ATG10: variants seen among roughly 807,000 people sequenced by gnomAD.
ATG10 encodes the protein ubiquitin-like-conjugating enzyme ATG10.
A neutral mutation model predicts 32.1 loss-of-function variants in ATG10; 30 were observed. The ratio of observed to expected loss-of-function variants is 0.94; its 90% confidence interval spans 0.70 to 1.27. The LOEUF (loss-of-function observed/expected upper bound fraction) is 1.27. ATG10 is among the 50% of genes most tolerant of loss of function. The pLI, the probability that ATG10 is intolerant of heterozygous loss-of-function variation, is 0.00. For synonymous variants in ATG10, 87 were observed against 91.5 expected (o/e 0.95, Z 0.28); for missense variants, 233 against 262.3 (o/e 0.89, Z 0.77).
At chr5:82,164,277 C>T in intron 3 of ATG10, 122 bp from the exon 4 acceptor site, 1 of 977,168 alleles carries the variant, frequency 1.0e-6, no homozygotes. Flanking sequence ...CTTTTCCTTG[C>T]CTCATAGCCT....
chr5:82,034,004 A>C (rs1254471440), intron 2 of ATG10, among the ~76,000 whole-genome samples: 1 of 148,200 alleles, frequency 6.7e-6, no homozygotes. Context: ...ATATATGTAT[A>C]TATGTACTAT....
At chr5:81,973,223 G>C (rs991115806) in intron 1 of ATG10, 1 of 152,146 alleles carries the variant, frequency 6.6e-6, no homozygotes, top group Non-Finnish European at 1.5e-5. Context: ...TCTGCCTCTC[G>C]GGTTAAAGCA....
chr5:82,190,732 C>T (rs1232081574), intron 5 of ATG10, among the ~76,000 whole-genome samples: 2 of 126,066 alleles, frequency 1.6e-5, no homozygotes, highest in Non-Finnish European at 3.1e-5. Flanking sequence ...CGAGATCACA[C>T]CACTGCACTC....
intron 3 of ATG10, among the ~76,000 whole-genome samples, chr5:82,119,754 C>T (rs7728044): frequency 0.23 from 35,520 of 151,988 alleles, 4,275 homozygotes; most frequent in South Asian, 0.31. Context: ...AGCCACCGTG[C>T]CTGGCCTGAA....
At chr5:81,983,464 A>C (rs1402554762) in intron 1 of ATG10, among the ~76,000 whole-genome samples, 60 of 50,180 alleles carry the variant, frequency 1.2e-3, no homozygotes, top group Admixed American at 3.6e-3. Flanking sequence ...CGGGGGTCTG[A>C]CCCCCCCCAC....
chr5:82,058,386 A>G, intron 2 of ATG10, 109 bp from the exon 3 acceptor site: 1 of 754,864 alleles, frequency 1.3e-6, no homozygotes, highest in Non-Finnish European at 2.3e-6. Flanking sequence ...CATTTAGTAC[A>G]TTTAGTTTTT....
At chr5:82,207,459 A>AT (rs995232318) in intron 5 of ATG10, among the ~76,000 whole-genome samples, 30 of 151,784 alleles carry the variant, frequency 2.0e-4, no homozygotes, top group Non-Finnish European at 3.1e-4. Flanking sequence ...GCCTACTGCC[A>AT]TTTTTTTCTA....
intron 3 of ATG10, among the ~76,000 whole-genome samples, chr5:82,125,757 G>A (rs1581714188): frequency 6.6e-6 from 1 of 151,946 alleles, no homozygotes; most frequent in Non-Finnish European, 1.5e-5. Flanking sequence ...GGCTATGAGG[G>A]CTCTTTTTTT....
intron 3 of ATG10, among the ~76,000 whole-genome samples, chr5:82,153,410 A>G (rs1198124858): frequency 6.6e-6 from 1 of 152,208 alleles, no homozygotes; most frequent in Non-Finnish European, 1.5e-5. Context: ...TGGGGGCAAC[A>G]GAAAGTGTAG....
At chr5:82,035,429 C>T (rs760111159) in intron 2 of ATG10, among the ~76,000 whole-genome samples, 12 of 152,198 alleles carry the variant, frequency 7.9e-5, no homozygotes, top group Non-Finnish European at 1.6e-4. Context: ...AGTGAATGAA[C>T]GAGTGAGAAA....
intron 3 of ATG10, among the ~76,000 whole-genome samples, chr5:82,129,398 G>T (rs1349148788): frequency 6.6e-6 from 1 of 151,976 alleles, no homozygotes; most frequent in South Asian, 2.1e-4. Context: ...GTGAGGAGTT[G>T]TGATTTTTTG....
chr5:82,172,025 A>G (rs986453844), intron 4 of ATG10, among the ~76,000 whole-genome samples: 1 of 152,160 alleles, frequency 6.6e-6, no homozygotes, highest in Non-Finnish European at 1.5e-5. Flanking sequence ...GGGCTTGGAG[A>G]GCTATGACTA....
At chr5:82,206,919 C>T (rs1469581601) in intron 5 of ATG10, among the ~76,000 whole-genome samples, 1 of 152,140 alleles carries the variant, frequency 6.6e-6, no homozygotes, top group Non-Finnish European at 1.5e-5. Flanking sequence ...ATTCTGGTTA[C>T]TTAAACCCAA....
chr5:82,167,321 C>A (rs1009883361), intron 4 of ATG10, among the ~76,000 whole-genome samples: 2 of 152,152 alleles, frequency 1.3e-5, no homozygotes, highest in Admixed American at 6.6e-5. Flanking sequence ...GAAATTGATA[C>A]TGAGTGCCTA....
chr5:82,184,908 T>G (rs1744390535), intron 5 of ATG10, among the ~76,000 whole-genome samples: 1 of 152,226 alleles, frequency 6.6e-6, no homozygotes, highest in East Asian at 1.9e-4. Context: ...GGTGGCTGTC[T>G]GCAGTCCTTC....
intron 4 of ATG10, among the ~76,000 whole-genome samples, chr5:82,169,448 G>A (rs957959913): frequency 1.9e-4 from 28 of 149,280 alleles, no homozygotes; most frequent in African/African-American, 6.8e-4. Flanking sequence ...GGGGAAAGAT[G>A]TATTATTGCA....
chr5:82,179,600 T>C (rs796968982), intron 5 of ATG10, among the ~76,000 whole-genome samples: 8 of 152,288 alleles, frequency 5.3e-5, no homozygotes, highest in African/African-American at 1.9e-4. Context: ...AAGTCATTAC[T>C]GCCTTGCTAA....
chr5:82,081,524 A>G lies in ATG10; in HGVS notation c.216+22922A>G, dbSNP rs142320026. On this transcript the variant is annotated intron_variant, in intron 3 of 7. Transcript: ENST00000282185. The stretch of plus-strand genomic sequence containing the variant: ...CATAAATAGCTCTTATTATTTTGCA[A>G]TATGTCCCATGAATACCTAATTTAT... 5.8e-3 allele frequency among the ~76,000 whole-genome samples: 884 copies of G among 152,300 alleles called. 7 individuals are homozygous for G. The highest frequency in any genetic ancestry group is 0.02 in the African/African-American group (824 of 41,552).
In ATG10 at chr5:82,164,411, C is replaced by T. The variant is rs1476507455; in HGVS notation, c.229C>T (p.Leu77=). ...TCLPMEEAFE[L]PLDDCEVIET... ...TGCTTTTTTTTAGGAGGCTTTCGAG[C>T]TACCCTTGGATGATTGTGAAGTGAT... Residue 77 remains leucine, a synonymous_variant, in exon 4 of 8, where the codon CTA becomes TTA. Coordinates refer to ENST00000282185, the MANE Select transcript of ATG10 (RefSeq NM_031482.5). 1.2e-6 allele frequency: 2 copies of T among 1,613,336 alleles called. No individual in the cohort carries two copies. Among genetic ancestry groups the T allele is most frequent in the Admixed American group, 3.3e-5 (2 of 59,842 alleles).
Sources: gnomAD v4.1 joint callset for allele counts (sites outside exome capture counted in the v4.1 genomes callset) on GRCh38, gnomAD v4.1.1 for gene constraint, MANE v1.5 for transcripts, NCBI Gene and HGNC (gene_info 2026-07-23, HGNC 2026-07-21) for gene names.